The following SLC25A48 variants were observed in gnomAD, a reference collection of about 807,000 sequenced individuals.
SLC25A48 encodes the protein solute carrier family 25 member 48.
Under a neutral mutation model 32.2 loss-of-function variants are expected in SLC25A48, and 29 were observed. The observed-to-expected ratio is 0.90, with a 90% CI of 0.67 to 1.23. The LOEUF (loss-of-function observed/expected upper bound fraction) is 1.23. Among genes scored for constraint, SLC25A48 ranks in the 50% most tolerant of loss-of-function variants. The pLI, the probability that SLC25A48 is intolerant of heterozygous loss-of-function variation, is 0.00. For synonymous variants in SLC25A48, 164 were observed against 172.3 expected (o/e 0.95, Z 0.38); for missense variants, 399 against 422.7 (o/e 0.94, Z 0.49).
chr5:135,675,373 G>A (rs1379608443), intron 3 of SLC25A48, among the ~76,000 whole-genome samples: 1 of 151,796 alleles, frequency 6.6e-6, no homozygotes, highest in South Asian at 2.1e-4. Context: ...TTCTGTTTTT[G>A]TTGCCTATGC....
At chr5:135,856,451 A>G (rs1023730508) in intron 4 of SLC25A48, among the ~76,000 whole-genome samples, 3 of 152,162 alleles carry the variant, frequency 2.0e-5, no homozygotes, top group African/African-American at 7.2e-5. Context: ...GGAGCATCCC[A>G]GCCTAGCATC....
At chr5:135,769,037 AG>A (rs535059201) in intron 3 of SLC25A48, among the ~76,000 whole-genome samples, 82 of 151,774 alleles carry the variant, frequency 5.4e-4, no homozygotes, top group African/African-American at 1.8e-3. Flanking sequence ...TGTAATATCC[AG>A]GGGGAAGAGG....
chr5:135,712,870 T>G (rs1754700168), intron 3 of SLC25A48, among the ~76,000 whole-genome samples: 1 of 152,186 alleles, frequency 6.6e-6, no homozygotes, highest in Non-Finnish European at 1.5e-5. Flanking sequence ...TGTGTCTCAC[T>G]CTGCAAAGCA....
In SLC25A48 at chr5:135,835,163, C is replaced by G. The variant is rs181815555; in HGVS notation, c.46+270C>G. On this transcript the variant is annotated intron_variant, in intron 1 of 7. Transcript: ENST00000681962. ...GGGACTTGATGAGGTAATGATTAAA[C>G]AGCTCGTCAAAGCCCACAGCCAATG... is the stretch of plus-strand genomic sequence containing the variant. 8.1e-4 allele frequency: 542 copies of G among 665,824 alleles called. 2 individuals are homozygous for G. The highest frequency in any genetic ancestry group is 1.3e-3 in the Non-Finnish European group (482 of 361,612). 41.2% of individuals were successfully genotyped at this position (665,824 alleles called of 1,614,324 possible).
chr5:135,689,546 A>G (rs1754095482), intron 3 of SLC25A48, among the ~76,000 whole-genome samples: 1 of 152,214 alleles, frequency 6.6e-6, no homozygotes, highest in African/African-American at 2.4e-5. Flanking sequence ...TATATCACAG[A>G]GTCCTACAGT....
At chr5:135,827,510 G>C (rs1366572643) in intron 4 of SLC25A48, 1 of 152,160 alleles carries the variant, frequency 6.6e-6, no homozygotes, top group Non-Finnish European at 1.5e-5. Context: ...GAGTATGATG[G>C]GAGTATGAAG....
intron 3 of SLC25A48, among the ~76,000 whole-genome samples, chr5:135,777,323 A>T (rs11242276): frequency 1.3e-5 from 2 of 151,410 alleles, no homozygotes; most frequent in Non-Finnish European, 2.9e-5. Flanking sequence ...CCCACCCCCC[A>T]ATATTGTTCC....
chr5:135,819,382 A>G (rs1020502021), intron 4 of SLC25A48, among the ~76,000 whole-genome samples: 1 of 152,230 alleles, frequency 6.6e-6, no homozygotes, highest in Admixed American at 6.5e-5. Context: ...ATACAGTAGA[A>G]TAACAACAGG....
intron 3 of SLC25A48, 36 bp from the exon 4 acceptor site, chr5:135,852,527 G>A (rs769854273): frequency 6.4e-7 from 1 of 1,564,586 alleles, no homozygotes. Flanking sequence ...GGCAGCCCGG[G>A]GTCCTCACGC....
intron 3 of SLC25A48, among the ~76,000 whole-genome samples, chr5:135,792,364 G>C (rs910172668): frequency 1.3e-5 from 2 of 151,532 alleles, no homozygotes; most frequent in African/African-American, 4.8e-5. Context: ...TACGCCATGT[G>C]TGTACACCAC....
intron 3 of SLC25A48, among the ~76,000 whole-genome samples, chr5:135,658,887 C>G (rs1257086885): frequency 3.3e-5 from 5 of 152,236 alleles, no homozygotes; most frequent in Non-Finnish European, 7.3e-5. Flanking sequence ...ACACAGGGCA[C>G]CATGTCTTGA....
chr5:135,800,614 G>C lies in SLC25A48; in HGVS notation c.-520-11909G>C, dbSNP rs376499123. 7.9e-5 allele frequency among the ~76,000 whole-genome samples: 12 copies of C among 151,800 alleles called. 1 individual carries two copies. Among genetic ancestry groups the C allele is most frequent in the Admixed American group, 2.6e-4 (4 of 15,208 alleles). Reference sequence around the variant, plus strand: ...GCAGTGGCTGTACACCCACCCTCCCGGGTGATGTTGTTTCTAATATCCAGA... The same window carrying C: ...GCAGTGGCTGTACACCCACCCTCCCCGGTGATGTTGTTTCTAATATCCAGA... On this transcript the variant is annotated intron_variant, in intron 3 of 10. Coordinates refer to the SLC25A48 transcript ENST00000646290.
chr5:135,675,517 C>T (rs1003246148), intron 3 of SLC25A48, among the ~76,000 whole-genome samples: 15 of 151,890 alleles, frequency 9.9e-5, no homozygotes, highest in African/African-American at 1.4e-4. Flanking sequence ...GCTGTAAATA[C>T]GTGGACTTAT....
At chr5:135,594,668 G>A (rs1239283075) in intron 1 of SLC25A48, among the ~76,000 whole-genome samples, 1 of 152,192 alleles carries the variant, frequency 6.6e-6, no homozygotes, top group African/African-American at 2.4e-5. Context: ...AAGGGGAAGA[G>A]CAAAAGCACA....
chr5:135,705,257 C>T (rs567746106), intron 3 of SLC25A48, among the ~76,000 whole-genome samples: 9 of 152,290 alleles, frequency 5.9e-5, no homozygotes, highest in East Asian at 3.9e-4. Context: ...TCTAGCTCAG[C>T]GCGGAGCAAG....
intron 3 of SLC25A48, among the ~76,000 whole-genome samples, chr5:135,758,159 A>G (rs565925589): frequency 6.6e-6 from 1 of 150,956 alleles, no homozygotes; most frequent in African/African-American, 2.4e-5. Context: ...TATGAATAGA[A>G]TACCATCTCT....
rs143648584 is a variant in SLC25A48 at position 135,757,568 on chromosome 5, AACAC to A, written c.-520-54951_-520-54948del. 4.0e-5 allele frequency among the ~76,000 whole-genome samples: 6 copies of A among 149,646 alleles called. No homozygotes were observed. The East Asian group carries it at 1.2e-3, about 31-fold the overall frequency. Reference sequence around the variant, plus strand: ...CTATATATTTATAATGTCTAGTGTTAACACACAGTGTTATTACTATATTAATAAA... The same window carrying A: ...CTATATATTTATAATGTCTAGTGTTAACAGTGTTATTACTATATTAATAAA... On this transcript the variant is annotated intron_variant, in intron 3 of 10. Transcript: ENST00000646290.
At chr5:135,832,337 G>T (rs1035916394), upstream of SLC25A48, among the ~76,000 whole-genome samples, 1 of 152,200 alleles carries the variant, frequency 6.6e-6, no homozygotes, top group Admixed American at 6.5e-5. Flanking sequence ...CTGGGTGAGG[G>T]CAGGAATCTG....
chr5:135,715,604 G>A (rs1308480594), intron 3 of SLC25A48, among the ~76,000 whole-genome samples: 4 of 152,200 alleles, frequency 2.6e-5, no homozygotes, highest in Non-Finnish European at 5.9e-5. Flanking sequence ...CTTACTGGAC[G>A]CTCCAAAGCC....
Sources: allele counts gnomAD v4.1 joint callset (sites outside exome capture counted in the v4.1 genomes callset), GRCh38; gene constraint gnomAD v4.1.1; transcripts MANE v1.5; gene names NCBI Gene and HGNC (gene_info 2026-07-23, HGNC 2026-07-21).